IL23R: variants seen among roughly 807,000 people sequenced by gnomAD.
IL23R encodes interleukin 23 receptor.
In IL23R, 34 loss-of-function variants were observed where a neutral mutation model predicts 56.9. The ratio of observed to expected loss-of-function variants is 0.60; its 90% CI spans 0.45 to 0.80. The LOEUF (loss-of-function observed/expected upper bound fraction) is 0.80. Among genes scored for constraint, IL23R ranks in the 30% least tolerant of loss-of-function variants. The pLI, the probability that IL23R is intolerant of heterozygous loss-of-function variation, is 0.00. For missense variants in IL23R, 635 were observed against 730.0 expected (o/e 0.87, Z 1.50); for synonymous variants, 230 against 249.2 (o/e 0.92, Z 0.73).
At chr1:67,225,575 A>G (rs1007724229) in intron 7 of IL23R, among the ~76,000 whole-genome samples, 1 of 149,814 alleles carries the variant, frequency 6.7e-6, no homozygotes, top group Admixed American at 6.7e-5. Flanking sequence ...GTAGTGCACC[A>G]TCTCAGATCA....
At chr1:67,197,249 G>A (rs1648231066) in intron 4 of IL23R, among the ~76,000 whole-genome samples, 1 of 151,978 alleles carries the variant, frequency 6.6e-6, no homozygotes, top group Admixed American at 6.6e-5. Flanking sequence ...CAATCAAGAG[G>A]GATAAATGCT....
At chr1:67,148,109 G>A (rs1477825880) in intron 1 of IL23R, among the ~76,000 whole-genome samples, 1 of 152,246 alleles carries the variant, frequency 6.6e-6, no homozygotes, top group African/African-American at 2.4e-5. Context: ...AGCCGTGAAG[G>A]AACAATGGCG....
chr1:67,156,514 G>T (rs2180296), intron 1 of IL23R, among the ~76,000 whole-genome samples: 3 of 151,988 alleles, frequency 2.0e-5, no homozygotes, highest in African/African-American at 7.2e-5. Flanking sequence ...GCCTTGCCCA[G>T]TGAGGAGGAA....
At chr1:67,150,446 G>A (rs1383580279) in intron 1 of IL23R, among the ~76,000 whole-genome samples, 3 of 151,406 alleles carry the variant, frequency 2.0e-5, no homozygotes, top group Admixed American at 6.6e-5. Flanking sequence ...GACAGGTCCC[G>A]GTGTGTGTTG....
chr1:67,209,121 T>C (rs756337651), intron 6 of IL23R, among the ~76,000 whole-genome samples: 5 of 152,192 alleles, frequency 3.3e-5, no homozygotes, highest in Admixed American at 2.0e-4. Context: ...GGAATGGCTG[T>C]ATTACCTAAT....
At chr1:67,229,459 C>T (rs1650953646) in intron 7 of IL23R, among the ~76,000 whole-genome samples, 1 of 152,126 alleles carries the variant, frequency 6.6e-6, no homozygotes, top group Non-Finnish European at 1.5e-5. Context: ...AGAACTTAGG[C>T]CTTTGGGGTT....
chr1:67,258,423 C>A, intron 10 of IL23R, 55 bp from the exon 11 acceptor site: 2 of 1,345,318 alleles, frequency 1.5e-6, no homozygotes, highest in Non-Finnish European at 2.1e-6. Context: ...TTCAATTATC[C>A]AGTTGGTTCT....
intron 6 of IL23R, among the ~76,000 whole-genome samples, chr1:67,211,226 C>A (rs1649447144): frequency 6.6e-6 from 1 of 152,190 alleles, no homozygotes; most frequent in South Asian, 2.1e-4. Flanking sequence ...AACACAAATA[C>A]AATTCTCAAG....
intron 4 of IL23R, among the ~76,000 whole-genome samples, chr1:67,195,688 G>A (rs939489864): frequency 1.3e-4 from 20 of 152,152 alleles, no homozygotes; most frequent in African/African-American, 4.3e-4. Context: ...AAAAACCTGA[G>A]CTGAATAGGA....
chr1:67,170,367 A>G (rs1160980780), intron 3 of IL23R, among the ~76,000 whole-genome samples: 2 of 152,234 alleles, frequency 1.3e-5, no homozygotes, highest in Non-Finnish European at 2.9e-5. Context: ...TAATCTCACT[A>G]TTCCAATTTA....
chr1:67,205,047 T>C lies in IL23R; in HGVS notation c.653-1863T>C, dbSNP rs186530497. Among the ~76,000 whole-genome samples, 775 of 152,204 alleles carry C rather than the reference T, an allele frequency of 5.1e-3. 4 individuals are homozygous for C. Among genetic ancestry groups the C allele is most frequent in the Middle Eastern group, 0.037 (11 of 294 alleles). ...TGCCCACCTAGGCCTCCCCAAAGTG[T>C]TGGGATTACAGGTGTGAGCCACTGC... On this transcript the variant is annotated intron_variant, in intron 5 of 10. Transcript: ENST00000347310.
intron 2 of IL23R, 111 bp from the exon 3 acceptor site, chr1:67,169,231 G>T (rs963395654): frequency 3.6e-5 from 29 of 815,464 alleles, no homozygotes; most frequent in Non-Finnish European, 7.8e-6. Context: ...TGTTTTCAAT[G>T]GAATCATTTA....
Position 67,259,115 on chromosome 1 carries a change from T to G in IL23R, c.1877T>G (p.Leu626Arg), listed in dbSNP as rs1234540068. ...ILESHFNRIS[L>R]LEK ...GAAAGCCACTTCAATAGGATTTCAC[T>G]CTTGGAAAAGTAGAGCTGTGTGGTC... The change falls in exon 11 of 11, where the codon CTC (leucine) becomes CGC (arginine). Residue 626 changes from leucine to arginine, a missense_variant. Coordinates refer to ENST00000347310, the MANE Select transcript of IL23R (RefSeq NM_144701.3). 9 of 1,613,786 alleles carry G rather than the reference T, an allele frequency of 5.6e-6. No individual in the cohort carries two copies. Among genetic ancestry groups the G allele is most frequent in the Non-Finnish European group, 7.6e-6 (9 of 1,179,912 alleles).
chr1:67,168,175 A>G lies in IL23R; in HGVS notation c.55A>G (p.Ser19Gly), dbSNP rs185697788. 14 of 1,608,988 alleles carry G rather than the reference A, an allele frequency of 8.7e-6. No individual in the cohort carries two copies. In the East Asian group the frequency reaches 2.5e-4, roughly 28 times the overall value. The change falls in exon 2 of 11, where the codon AGC becomes GGC. Residue 19 changes from serine to glycine, a missense_variant. Transcript: ENST00000347310. ...AGTAATAGCCCTTTACATACTCTTC[A>G]GCTGGTGTCATGGAGGTATGGTGTT... is the stretch of plus-strand genomic sequence containing the variant. ...DAVIALYILF[S>G]WCHGGITNIN...
intron 3 of IL23R, among the ~76,000 whole-genome samples, chr1:67,172,421 A>G (rs1224123795): frequency 3.3e-5 from 5 of 152,204 alleles, no homozygotes; most frequent in East Asian, 1.9e-4. Flanking sequence ...GCTTTAATGT[A>G]TAATTTGTGA....
chr1:67,227,481 T>C (rs1650697413), intron 7 of IL23R, among the ~76,000 whole-genome samples: 1 of 151,832 alleles, frequency 6.6e-6, no homozygotes, highest in South Asian at 2.1e-4. Context: ...GAGCAAGATA[T>C]TAAACAACAT....
intron 1 of IL23R, among the ~76,000 whole-genome samples, chr1:67,151,130 T>A (rs554188712): frequency 6.6e-6 from 1 of 152,216 alleles, no homozygotes; most frequent in Non-Finnish European, 1.5e-5. Flanking sequence ...TTTCTTGACT[T>A]TTTAATGATC....
At chr1:67,149,366 G>A (rs1222958930) in intron 1 of IL23R, among the ~76,000 whole-genome samples, 1 of 152,076 alleles carries the variant, frequency 6.6e-6, no homozygotes, top group African/African-American at 2.4e-5. Context: ...TGACACCTAG[G>A]GGCTTTTTAG....
chr1:67,183,008 G>T, intron 4 of IL23R, 49 bp downstream of exon 4: 1 of 1,609,928 alleles, frequency 6.2e-7, no homozygotes, highest in Non-Finnish European at 8.5e-7. Context: ...CCCCAGTTCA[G>T]CCAGAGCTCT....
Sources: allele counts gnomAD v4.1 joint callset (sites outside exome capture counted in the v4.1 genomes callset), GRCh38; gene constraint gnomAD v4.1.1; transcripts MANE v1.5; gene names NCBI Gene and HGNC (gene_info 2026-07-23, HGNC 2026-07-21).